NSDHL: variants seen among roughly 807,000 people sequenced by gnomAD.
The protein encoded by NSDHL is sterol-4-alpha-carboxylate 3-dehydrogenase, decarboxylating.
Under a neutral mutation model 23.0 loss-of-function variants are expected in NSDHL, and 1 was observed. The observed-to-expected ratio is 0.04, with a 90% confidence interval of 0.02 to 0.21. The LOEUF (loss-of-function observed/expected upper bound fraction) is 0.21. Among genes scored for constraint, NSDHL ranks in the 10% least tolerant of loss-of-function variants. The pLI is 1.00. For synonymous variants in NSDHL, 128 were observed against 121.1 expected (o/e 1.06, Z -0.37); for missense variants, 237 against 300.9 (o/e 0.79, Z 1.57).
intron 3 of NSDHL, among the ~76,000 whole-genome samples, chrX:152,853,206 C>T (rs978366978): frequency 1.9e-5 from 2 of 108,006 alleles, no homozygotes; most frequent in African/African-American, 6.8e-5. Flanking sequence ...ACCTCATGGA[C>T]ACTTCAAGCT....
At position 152,850,400 on chromosome X, in the gene NSDHL, C is replaced by G. The variant is rs782621269; in HGVS notation, c.244C>G (p.Leu82Val). Reference sequence around the variant, plus strand: ...TGATAATCCCCAGGTGCGGTTCTTTCTGGGTGACCTCTGCAGCCGACAGGT... The same window carrying G: ...TGATAATCCCCAGGTGCGGTTCTTTGTGGGTGACCTCTGCAGCCGACAGGT... ...GFDNPQVRFF[L>V]GDLCSRQDLY... Residue 82 changes from leucine (L) to valine (V), a missense_variant, in exon 3 of 8, where the codon CTG becomes GTG. Physicochemically the swap from Leu to Val is conservative, Grantham distance 32. Coordinates refer to ENST00000370274, the MANE Select transcript of NSDHL (RefSeq NM_015922.3). 8.3e-7 allele frequency: 1 copy of G among 1,211,417 alleles called. No homozygotes were observed. The highest frequency in any genetic ancestry group is 1.1e-6 in the Non-Finnish European group (1 of 894,994).
At chrX:152,846,480 C>T in intron 2 of NSDHL, 48 bp downstream of exon 2, 1 of 839,892 alleles carries the variant, frequency 1.2e-6, no homozygotes. Flanking sequence ...ATACTATTTA[C>T]CTGTGGGTGA....
chrX:152,869,533 C>G lies in NSDHL; in HGVS notation c.*417C>G, dbSNP rs969016476. ...CCAATACTAGAGTGAAGCCTCTAGA[C>G]TTTGTTCAAGATACTCTATCTTCAA... On this transcript the variant is annotated 3_prime_UTR_variant, in exon 8 of 8. Transcript: ENST00000370274. 12 of 197,470 alleles carry G rather than the reference C, an allele frequency of 6.1e-5. No homozygotes were observed. In the Admixed American group the frequency reaches 6.4e-4, roughly 11 times the overall value. 16.3% of individuals were successfully genotyped at this position (197,470 alleles called of 1,213,427 possible). A position where few individuals can be genotyped will look rare whatever the true frequency, so the allele number is the denominator to read the frequency against.
chrX:152,838,164 G>T (rs1246408941), intron 1 of NSDHL, among the ~76,000 whole-genome samples: 6 of 111,704 alleles, frequency 5.4e-5, no homozygotes, highest in Admixed American at 2.8e-4. Context: ...ATTTTTTATT[G>T]TGTCTATTTG....
Position 152,858,837 on chromosome X carries a change from A to G in NSDHL, c.335A>G (p.Asn112Ser). 8.3e-7 allele frequency: 1 copy of G among 1,203,391 alleles called. No individual in the cohort carries two copies. The highest frequency in any genetic ancestry group is 1.1e-6 in the Non-Finnish European group (1 of 887,832). Residue 112 changes from asparagine (N) to serine (S), a missense_variant, in exon 4 of 8, where the codon AAC (asparagine) becomes AGC (serine). By Grantham distance (46) the Asn-to-Ser change is conservative. Transcript: ENST00000370274. ...FHCASPPPSS[N>S]NKELFYRVNY... ...TGTGCGTCACCCCCACCATCCAGTAACAACAAGGAGCTCTTTTATAGAGTG... is the reference window on the plus strand; with the variant it reads ...TGTGCGTCACCCCCACCATCCAGTAGCAACAAGGAGCTCTTTTATAGAGTG...
intron 6 of NSDHL, among the ~76,000 whole-genome samples, chrX:152,866,800 T>C (rs1427054614): frequency 4.4e-5 from 5 of 112,620 alleles, no homozygotes; most frequent in Non-Finnish European, 7.5e-5. Flanking sequence ...CGAGCCCCTA[T>C]TTCCAAATAA....
intron 1 of NSDHL, among the ~76,000 whole-genome samples, chrX:152,835,036 T>C (rs1933070443): frequency 8.9e-6 from 1 of 112,058 alleles, no homozygotes; most frequent in African/African-American, 3.2e-5. Context: ...TCTCCCTAGT[T>C]TGAGACAGAA....
chrX:152,845,205 C>G (rs1434647187), intron 1 of NSDHL, among the ~76,000 whole-genome samples: 1 of 112,013 alleles, frequency 8.9e-6, no homozygotes, highest in Non-Finnish European at 1.9e-5. Context: ...TCTGTCCCCA[C>G]TGGGACACAT....
chrX:152,836,904 G>T (rs959809738), intron 1 of NSDHL, among the ~76,000 whole-genome samples: 15 of 112,071 alleles, frequency 1.3e-4, no homozygotes, highest in African/African-American at 4.9e-4. Flanking sequence ...AGTATGGCCA[G>T]TTTCACAATA....
chrX:152,868,879 C>T lies in NSDHL; in HGVS notation c.885C>T (p.Ile295=). 7 of 1,210,812 alleles carry T rather than the reference C, an allele frequency of 5.8e-6. No individual in the cohort carries two copies. Among genetic ancestry groups the T allele is most frequent in the Non-Finnish European group, 7.8e-6 (7 of 894,347 alleles). The change falls in exon 8 of 8, where the codon ATC becomes ATT. Residue 295 remains isoleucine, a synonymous_variant. Coordinates refer to ENST00000370274, the MANE Select transcript of NSDHL (RefSeq NM_015922.3). ...ATTATGAGGCCCCCAAGTACCACAT[C>T]CCCTACTGGGTGGCCTACTACCTGG... is the stretch of plus-strand genomic sequence containing the variant. ...GLNYEAPKYH[I]PYWVAYYLAL...
At chrX:152,845,568 G>T (rs1556845420) in intron 1 of NSDHL, among the ~76,000 whole-genome samples, 2 of 111,663 alleles carry the variant, frequency 1.8e-5, no homozygotes, top group African/African-American at 6.5e-5. Context: ...TCCTCTGTTT[G>T]GCAACGTTGT....
At chrX:152,837,018 C>T (rs1243790135) in intron 1 of NSDHL, among the ~76,000 whole-genome samples, 2 of 111,785 alleles carry the variant, frequency 1.8e-5, no homozygotes, top group African/African-American at 3.3e-5. Context: ...AGGTCCTTCA[C>T]GTCCCTTGTA....
intron 3 of NSDHL, among the ~76,000 whole-genome samples, chrX:152,854,103 A>C (rs2125010690): frequency 8.9e-6 from 1 of 112,048 alleles, no homozygotes; most frequent in Admixed American, 9.4e-5. Context: ...TCTCTCCAAA[A>C]GGCTCCCCCG....
intron 4 of NSDHL, 76 bp from the exon 5 acceptor site, chrX:152,862,520 T>C: frequency 2.0e-6 from 2 of 998,003 alleles, no homozygotes; most frequent in Non-Finnish European, 2.8e-6. Context: ...CCCCTGATTC[T>C]CTTTCATACA....
At chrX:152,844,714 G>A (rs962582770) in intron 1 of NSDHL, among the ~76,000 whole-genome samples, 2 of 112,604 alleles carry the variant, frequency 1.8e-5, no homozygotes, top group African/African-American at 6.5e-5. Context: ...ATGCATGTAT[G>A]CGATGGAGAG....
chrX:152,860,183 T>C (rs1411197524), intron 4 of NSDHL, among the ~76,000 whole-genome samples: 1 of 112,437 alleles, frequency 8.9e-6, no homozygotes, highest in Non-Finnish European at 1.9e-5. Context: ...CTGGAAAAGA[T>C]CACTTATAAC....
intron 7 of NSDHL, among the ~76,000 whole-genome samples, chrX:152,868,138 T>G (rs2125016956): frequency 9.2e-6 from 1 of 109,251 alleles, no homozygotes; most frequent in Admixed American, 9.8e-5. Context: ...GTGGCATTTT[T>G]TTTTTCTTTT....
chrX:152,846,987 A>C (rs1042944863), intron 2 of NSDHL, among the ~76,000 whole-genome samples: 1 of 112,331 alleles, frequency 8.9e-6, no homozygotes, highest in African/African-American at 3.2e-5. Flanking sequence ...GCTTTGATTG[A>C]TTCTTAATCA....
intron 4 of NSDHL, among the ~76,000 whole-genome samples, chrX:152,862,006 G>T (rs1569474698): frequency 8.9e-6 from 1 of 112,511 alleles, no homozygotes; most frequent in Non-Finnish European, 1.9e-5. Flanking sequence ...TGTTGAATAA[G>T]AATGGGAACG....
Sources: gnomAD v4.1 joint callset for allele counts (sites outside exome capture counted in the v4.1 genomes callset) on GRCh38, gnomAD v4.1.1 for gene constraint, MANE v1.5 for transcripts, NCBI Gene and HGNC (gene_info 2026-07-23, HGNC 2026-07-21) for gene names.